DNAH2: variants seen among roughly 807,000 people sequenced by gnomAD.
The protein encoded by DNAH2 is dynein axonemal heavy chain 2, also known as axonemal beta dynein heavy chain 2.
A neutral mutation model predicts 523.5 loss-of-function variants in DNAH2; 323 were observed. The observed-to-expected ratio is 0.62, with a 90% CI of 0.56 to 0.68. The LOEUF is 0.68. DNAH2 is among the 30% of genes least tolerant of loss of function. The pLI is 0.00. For synonymous variants in DNAH2, 2,093 were observed against 2,177.4 expected, an observed-to-expected ratio of 0.96 and a Z score of 1.08; for missense variants, 4,907 against 5,701.5, an observed-to-expected ratio of 0.86 and a Z score of 4.49.
In DNAH2 at chr17:7,798,384, G is replaced by C; in HGVS notation, c.8398+60G>C. Reference sequence around the variant, plus strand: ...GATCAGATGCATACATTCCTGCAGTGACAAGAGAGGAGAGATGGCAGCCAG... The same window carrying C: ...GATCAGATGCATACATTCCTGCAGTCACAAGAGAGGAGAGATGGCAGCCAG... On this transcript the variant is annotated intron_variant, in intron 54 of 85. Coordinates refer to ENST00000572933, the MANE Select transcript of DNAH2 (RefSeq NM_020877.5). This position sits in a 1 kb window ranked among gnomAD's most constrained non-coding sequence, Gnocchi z 5.5. 3 of 1,557,746 alleles carry C rather than the reference G, an allele frequency of 1.9e-6. No homozygotes were observed. The highest frequency in any genetic ancestry group is 2.6e-6 in the Non-Finnish European group (3 of 1,150,170).
At chr17:7,758,128 T>G (rs76467431) in intron 13 of DNAH2, among the ~76,000 whole-genome samples, 2,796 of 152,338 alleles carry the variant, frequency 0.018, 99 homozygotes, top group African/African-American at 0.061. Flanking sequence ...CAGCTGCATG[T>G]GGCTATTTCC....
rs2075042083 is a variant in DNAH2 at position 7,733,231 on chromosome 17, C to G, written c.544C>G (p.Gln182Glu). 7 of 1,614,056 alleles carry G rather than the reference C, an allele frequency of 4.3e-6. No homozygotes were observed. The highest frequency in any genetic ancestry group is 5.9e-6 in the Non-Finnish European group (7 of 1,180,038). The change falls in exon 5 of 86, where the codon CAG becomes GAG. Residue 182 changes from glutamine (Q) to glutamate (E), a missense_variant. This residue lies in a region of DNAH2 where 2,806 missense variants were observed against 3,190.8 expected (regional missense o/e 0.88). Coordinates refer to ENST00000572933, the MANE Select transcript of DNAH2 (RefSeq NM_020877.5). ...LRLLGGVFAP[Q>E]IFANTGWPES... is the part of the protein sequence containing the mutation. ...GCTGCTCGGTGGAGTCTTTGCCCCT[C>G]AGATCTTTGCAAACACAGGCTGGCC...
At chr17:7,822,314 A>G (rs907833600) in intron 73 of DNAH2, among the ~76,000 whole-genome samples, 3 of 151,944 alleles carry the variant, frequency 2.0e-5, no homozygotes, top group African/African-American at 4.8e-5. Flanking sequence ...CGGGCTCCCC[A>G]TGGCTGGCGC....
In DNAH2 at chr17:7,804,446, G is replaced by T. The variant is rs1242689996; in HGVS notation, c.9163G>T (p.Glu3055Ter). Residue 3055 changes from glutamate (E) to a stop codon, truncating the protein, a stop_gained, in exon 59 of 86, where the codon GAG becomes TAG. Coordinates refer to ENST00000572933, the MANE Select transcript of DNAH2 (RefSeq NM_020877.5). LOFTEE classifies it high-confidence loss of function. ...GGTCATCATTGTGCAGCAGAAGCGG[G>T]AGGCAGATGAGCAGCAGAAGGTCCA... ...YLVIIVQQKR[E>*]ADEQQKAVTA... The T allele has an allele frequency of 1.2e-6, 2 of 1,613,804 alleles. No individual in the cohort carries two copies. The highest frequency in any genetic ancestry group is 1.7e-6 in the Non-Finnish European group (2 of 1,180,032).
rs146119812 is a variant in DNAH2, at chr17:7,777,668, G to A, written c.5247+34G>A. On this transcript the variant is annotated intron_variant, in intron 33 of 85. Coordinates refer to ENST00000572933, the MANE Select transcript of DNAH2 (RefSeq NM_020877.5). ...TGGGCCACCTCCCCACTCTCTTACC[G>A]TAAAATGGATCCTAATGCTTTTATT... 36 of 1,610,578 alleles carry A rather than the reference G, an allele frequency of 2.2e-5. No individual in the cohort carries two copies. In the East Asian group the frequency reaches 5.4e-4, roughly 24 times the overall value.
intron 13 of DNAH2, 61 bp downstream of exon 13, chr17:7,757,298 T>C (rs1259991322): frequency 7.6e-6 from 12 of 1,579,812 alleles, no homozygotes; most frequent in Non-Finnish European, 2.6e-6. Flanking sequence ...CTTTTTCTCT[T>C]ATCTGCCCTG....
chr17:7,766,718 G>A lies in DNAH2; in HGVS notation c.3675+237G>A, dbSNP rs2076179783. Among the ~76,000 whole-genome samples, 3 of 138,918 alleles carry A rather than the reference G, an allele frequency of 2.2e-5. No homozygotes were observed. In the Admixed American group the frequency reaches 2.4e-4, roughly 11 times the overall value. 91.1% of individuals were successfully genotyped at this position (138,918 alleles called of 152,430 possible). A position where few individuals can be genotyped will look rare whatever the true frequency, so the allele number is the denominator to read the frequency against. ...GCTGGAGTGCAGTGGCACAATCTCG[G>A]CTCACTATAACCTCTGCCTCCCGGG... On this transcript the variant is annotated intron_variant, in intron 22 of 85. Coordinates refer to ENST00000572933, the MANE Select transcript of DNAH2 (RefSeq NM_020877.5).
In DNAH2 at chr17:7,798,311, G is replaced by A. The variant is rs777315808; in HGVS notation, c.8385G>A (p.Gln2795=). The A allele has an allele frequency of 6.2e-7, 1 of 1,611,146 alleles. No homozygotes were observed. Among genetic ancestry groups the A allele is most frequent in the South Asian group, 1.1e-5 (1 of 90,932 alleles). The change falls in exon 54 of 86, where the codon CAG becomes CAA. Residue 2795 remains glutamine (Q), a synonymous_variant. Coordinates refer to ENST00000572933, the MANE Select transcript of DNAH2 (RefSeq NM_020877.5). The surrounding 1 kb of genome is among the most constrained non-coding windows in gnomAD (Gnocchi z 5.5). ...AGGTCACCAAACATTATCGGAAGCAGGAGTTCCGAGATGGTACGGCTGGGT... is the reference window on the plus strand; with the variant it reads ...AGGTCACCAAACATTATCGGAAGCAAGAGTTCCGAGATGGTACGGCTGGGT... ...QIEVTKHYRK[Q]EFRDDIKRLY...
At chr17:7,813,090 G>T (rs2151314462) in intron 63 of DNAH2, among the ~76,000 whole-genome samples, 1 of 152,322 alleles carries the variant, frequency 6.6e-6, no homozygotes, top group East Asian at 1.9e-4. Flanking sequence ...GCTGAGTGGG[G>T]AACAGGGTTA....
chr17:7,819,233 G>A lies in DNAH2; in HGVS notation c.10840G>A (p.Ala3614Thr). 1 of 1,613,930 alleles carries A rather than the reference G, an allele frequency of 6.2e-7. No homozygotes were observed. Among genetic ancestry groups the A allele is most frequent in the Non-Finnish European group, 8.5e-7 (1 of 1,180,050 alleles). ...REAYRPCAQR[A>T]SILFFVLNDM... ...GGCTTACCGCCCATGCGCCCAGCGG[G>A]CATCAATCCTGTTCTTCGTGCTCAA... is the stretch of plus-strand genomic sequence containing the variant. Residue 3614 changes from alanine to threonine, a missense_variant, in exon 72 of 86, where the codon GCA (alanine) becomes ACA (threonine). Physicochemically the swap from Ala to Thr is moderately conservative, Grantham distance 58. Transcript: ENST00000572933.
rs771675003 is a variant in DNAH2, at chr17:7,807,582, G to A, written c.9725G>A (p.Arg3242Gln). ...AALAEAQEKL[R>Q]EVAEKLEMLK... The stretch of plus-strand genomic sequence containing the variant: ...CTCGCTGAGGCCCAGGAGAAGCTGC[G>A]GGAGGTGAGCTGATCGCCTGTCCTT... Residue 3242 changes from arginine (R) to glutamine (Q), a missense_variant, in exon 63 of 86, where the codon CGG (arginine) becomes CAG (glutamine). Around this residue, in one of 3 missense-constraint regions of DNAH2, gnomAD observed 1,851 missense variants for 2,139.4 expected, o/e 0.87. Transcript: ENST00000572933. The surrounding 1 kb of genome is among the most constrained non-coding windows in gnomAD (Gnocchi z 5.6). 17 of 1,610,716 alleles carry A rather than the reference G, an allele frequency of 1.1e-5. No individual in the cohort carries two copies. Among genetic ancestry groups the A allele is most frequent in the Middle Eastern group, 1.7e-4 (1 of 6,056 alleles).
In DNAH2 at chr17:7,831,298, A is replaced by T. The variant is rs1315385000; in HGVS notation, c.12443A>T (p.Gln4148Leu). The change falls in exon 80 of 86, where the codon CAG (glutamine) becomes CTG (leucine). Residue 4148 changes from glutamine to leucine, a missense_variant. Physicochemically the swap from Gln to Leu is moderately radical, Grantham distance 113. Coordinates refer to ENST00000572933, the MANE Select transcript of DNAH2 (RefSeq NM_020877.5). This position sits in a 1 kb window ranked among gnomAD's most constrained non-coding sequence, Gnocchi z 4.2. ...ATTACACCCACCAGGGCTGGAGGCCAGACCCGGGAAGAGAAGGTAAAAAGA... is the reference window on the plus strand; with the variant it reads ...ATTACACCCACCAGGGCTGGAGGCCTGACCCGGGAAGAGAAGGTAAAAAGA... ...PQITPTRAGG[Q>L]TREEKVLELA... The T allele has an allele frequency of 6.2e-7, 1 of 1,614,130 alleles. No individual in the cohort carries two copies.
At position 7,780,534 on chromosome 17, in the gene DNAH2, T is replaced by C; in HGVS notation, c.5851-96T>C. The C allele has an allele frequency of 6.4e-7, 1 of 1,550,956 alleles. No individual in the cohort carries two copies. The highest frequency in any genetic ancestry group is 8.8e-7 in the Non-Finnish European group (1 of 1,142,550). On this transcript the variant is annotated intron_variant, in intron 37 of 85. Transcript: ENST00000572933. The surrounding 1 kb of genome is among the most constrained non-coding windows in gnomAD (Gnocchi z 4.4). ...TAGAGTGCCTCCTAGCTGCTTCATG[T>C]CCTGGGACCTGGCTTCTTGTCTCTG...
At chr17:7,781,421 T>C (rs1208587327) in intron 39 of DNAH2, among the ~76,000 whole-genome samples, 2 of 152,118 alleles carry the variant, frequency 1.3e-5, no homozygotes, top group African/African-American at 4.8e-5. Context: ...GAGGCTATAA[T>C]GAGCTGAGAT....
intron 24 of DNAH2, 98 bp downstream of exon 24, chr17:7,768,365 C>G (rs2076228744): frequency 1.8e-6 from 2 of 1,108,318 alleles, no homozygotes; most frequent in Admixed American, 4.3e-5. Context: ...GTTCACAGCC[C>G]TCTCTTCCCC....
chr17:7,765,538 A>G lies in DNAH2; in HGVS notation c.3484A>G (p.Thr1162Ala). ...SADDFKKKAH[T>A]LLEDFEFKGH... is the part of the protein sequence containing the mutation. ...AGATGACTTCAAGAAGAAAGCACAT[A>G]CACTTCTGGAAGATTTCGAATTCAA... Residue 1162 changes from threonine (T) to alanine (A), a missense_variant, in exon 21 of 86, where the codon ACA becomes GCA. Around this residue, in one of 3 missense-constraint regions of DNAH2, gnomAD observed 2,806 missense variants for 3,190.8 expected, o/e 0.88. Coordinates refer to ENST00000572933, the MANE Select transcript of DNAH2 (RefSeq NM_020877.5). 6.2e-7 allele frequency: 1 copy of G among 1,614,020 alleles called. No individual in the cohort carries two copies. Among genetic ancestry groups the G allele is most frequent in the African/African-American group, 1.3e-5 (1 of 75,050 alleles).
At chr17:7,814,996 CA>C (rs926544656) in intron 63 of DNAH2, among the ~76,000 whole-genome samples, 10 of 149,992 alleles carry the variant, frequency 6.7e-5, no homozygotes, top group Non-Finnish European at 1.2e-4. Flanking sequence ...CTTTTTGAGA[CA>C]AAAAAAAAGA....
chr17:7,734,667 T>TC lies in DNAH2; in HGVS notation c.939dup (p.Tyr314LeufsTer46), dbSNP rs1200443728. 1 of 1,612,866 alleles carries TC rather than the reference T, an allele frequency of 6.2e-7. No homozygotes were observed. Among genetic ancestry groups the TC allele is most frequent in the African/African-American group, 1.3e-5 (1 of 74,628 alleles). On this transcript the variant is annotated frameshift_variant, in exon 7 of 86. Coordinates refer to ENST00000572933, the MANE Select transcript of DNAH2 (RefSeq NM_020877.5). LOFTEE classifies it high-confidence loss of function. ...ATCCATCCTGCACCTTGCCAAGTCG[T>TC]CCTACTTGGCGCCCTTTATGAAACT...
Position 7,817,565 on chromosome 17 carries a change from G to T in DNAH2, c.10025G>T (p.Trp3342Leu). 9 of 1,614,100 alleles carry T rather than the reference G, an allele frequency of 5.6e-6. No individual in the cohort carries two copies. The highest frequency in any genetic ancestry group is 7.6e-6 in the Non-Finnish European group (9 of 1,180,000). Residue 3342 changes from tryptophan to leucine, a missense_variant, in exon 66 of 86, where the codon TGG (tryptophan) becomes TTG (leucine). Trp to Leu is a moderately conservative substitution (Grantham distance 61). Coordinates refer to ENST00000572933, the MANE Select transcript of DNAH2 (RefSeq NM_020877.5). ...ATGGGGCTTTTCTCTCCCCAGATCTGGGAGCTTCAGGTTCCTTGCTCCCCT... is the reference window on the plus strand; with the variant it reads ...ATGGGGCTTTTCTCTCCCCAGATCTTGGAGCTTCAGGTTCCTTGCTCCCCT... ...IVNQIWIGKI[W>L]ELQVPCSPSF... is the part of the protein sequence containing the mutation.
Sources: allele counts gnomAD v4.1 joint callset (sites outside exome capture counted in the v4.1 genomes callset), GRCh38; gene constraint gnomAD v4.1.1; regional missense constraint gnomAD v4.1.1; non-coding constraint Gnocchi (gnomAD v3.1); transcripts MANE v1.5; gene names NCBI Gene and HGNC (gene_info 2026-07-23, HGNC 2026-07-21).